Variants in CDH13 observed in about 807,000 individuals in gnomAD.
CDH13 encodes the protein cadherin 13.
In CDH13, 24 loss-of-function variants were observed where a neutral mutation model predicts 63.8. That is an observed-to-expected ratio of 0.38 (90% CI 0.27 to 0.53). The LOEUF (loss-of-function observed/expected upper bound fraction) is 0.53, where lower values mean the gene tolerates loss of function less well. Ranked by LOEUF, CDH13 falls within the 20% of genes least tolerant of loss-of-function variation. CDH13 has a pLI of 0.85. For missense variants in CDH13, 1,049 were observed against 903.1 expected (o/e 1.16, Z -2.07); for synonymous variants, 503 against 355.3 (o/e 1.42, Z -4.67).
chr16:82,645,868 G>C (rs1212520001), intron 1 of CDH13, among the ~76,000 whole-genome samples: 1 of 152,214 alleles, frequency 6.6e-6, no homozygotes, highest in Admixed American at 6.5e-5. Flanking sequence ...AGAAGCTAAG[G>C]TATTCGTAAG....
At chr16:83,491,314 T>C (rs1172382166) in intron 7 of CDH13, among the ~76,000 whole-genome samples, 3 of 152,164 alleles carry the variant, frequency 2.0e-5, no homozygotes, top group African/African-American at 7.2e-5. Flanking sequence ...TAAATGAAAT[T>C]AGGTTCATTT....
chr16:82,876,944 C>T (rs2040526310), intron 2 of CDH13, among the ~76,000 whole-genome samples: 2 of 152,152 alleles, frequency 1.3e-5, no homozygotes, highest in African/African-American at 2.4e-5. Context: ...TTTAGGCTCC[C>T]CCATTTCAAG....
chr16:83,646,111 A>G lies in CDH13; in HGVS notation c.1102-24679A>G, dbSNP rs115314176. Among the ~76,000 whole-genome samples, 547 of 152,208 alleles carry G rather than the reference A, an allele frequency of 3.6e-3. 4 individuals carry two copies. Among genetic ancestry groups the G allele is most frequent in the African/African-American group, 0.013 (523 of 41,536 alleles). On this transcript the variant is annotated intron_variant, in intron 8 of 13. Transcript: ENST00000567109. ...TCCCACTGGGCCCTAGTGTGGGACC[A>G]TACGTGAAAGCCACCAGGTAGGGTT...
At chr16:83,014,904 T>C (rs933171526) in intron 2 of CDH13, among the ~76,000 whole-genome samples, 2 of 144,406 alleles carry the variant, frequency 1.4e-5, no homozygotes, top group African/African-American at 5.1e-5. Context: ...ATATGTATAT[T>C]TACATTTACT....
intron 2 of CDH13, among the ~76,000 whole-genome samples, chr16:83,003,760 C>G (rs914741644): frequency 3.3e-5 from 5 of 152,236 alleles, no homozygotes; most frequent in Non-Finnish European, 5.9e-5. Context: ...CTACTCCATT[C>G]AAAGGTTCCT....
At chr16:83,357,989 G>A (rs1267078166) in intron 6 of CDH13, among the ~76,000 whole-genome samples, 1 of 152,156 alleles carries the variant, frequency 6.6e-6, no homozygotes, top group Non-Finnish European at 1.5e-5. Context: ...GCAGGCTAGA[G>A]GCGGATGCTA....
chr16:83,594,199 G>A lies in CDH13; in HGVS notation c.961-8255G>A, dbSNP rs1007313200. ...ACCCTCAGTTTCTTGTTACATCTTC[G>A]AAAGACTTCCCAAAAATTCTACTAA... On this transcript the variant is annotated intron_variant, in intron 7 of 13. Coordinates refer to ENST00000567109, the MANE Select transcript of CDH13 (RefSeq NM_001257.5). Among the ~76,000 whole-genome samples the A allele has an allele frequency of 1.2e-4, 18 of 152,146 alleles. 1 individual carries two copies. Among genetic ancestry groups the A allele is most frequent in the South Asian group, 6.2e-4 (3 of 4,820 alleles).
chr16:83,083,104 C>T (rs1029906114), intron 3 of CDH13, among the ~76,000 whole-genome samples: 6 of 152,212 alleles, frequency 3.9e-5, no homozygotes, highest in African/African-American at 1.2e-4. Flanking sequence ...TAAATATCTT[C>T]ACTAAATGTA....
At chr16:83,711,737 G>A (rs758333763) in intron 10 of CDH13, among the ~76,000 whole-genome samples, 4 of 152,076 alleles carry the variant, frequency 2.6e-5, no homozygotes, top group South Asian at 2.1e-4. Context: ...GGCTGGTCTC[G>A]AACTCCTGAC....
intron 3 of CDH13, among the ~76,000 whole-genome samples, chr16:83,097,460 C>G (rs1202262093): frequency 5.9e-5 from 9 of 152,104 alleles, no homozygotes; most frequent in Non-Finnish European, 1.3e-4. Flanking sequence ...TGCATATGAT[C>G]AAAGTCTATA....
intron 7 of CDH13, among the ~76,000 whole-genome samples, chr16:83,553,650 G>T (rs2075551507): frequency 6.6e-6 from 1 of 152,140 alleles, no homozygotes; most frequent in South Asian, 2.1e-4. Flanking sequence ...TCTGCCTCTT[G>T]GGTTCAAGCC....
intron 2 of CDH13, among the ~76,000 whole-genome samples, chr16:82,863,474 A>C (rs1458364477): frequency 6.6e-6 from 1 of 152,032 alleles, no homozygotes; most frequent in Admixed American, 6.5e-5. Flanking sequence ...TAGAATTCAA[A>C]TGTGCACACA....
At chr16:83,146,209 A>AC (rs1555603455) in intron 4 of CDH13, among the ~76,000 whole-genome samples, 10 of 149,636 alleles carry the variant, frequency 6.7e-5, no homozygotes, top group Non-Finnish European at 1.5e-4. Flanking sequence ...AAAAAAAAAA[A>AC]AGAAAAGAAA....
At chr16:83,187,990 G>A (rs1404018884) in intron 4 of CDH13, among the ~76,000 whole-genome samples, 3 of 152,160 alleles carry the variant, frequency 2.0e-5, no homozygotes, top group Non-Finnish European at 2.9e-5. Flanking sequence ...GGGCAGTAGT[G>A]TGTCCAGAAT....
At chr16:83,719,255 C>G (rs889522824) in intron 10 of CDH13, among the ~76,000 whole-genome samples, 1 of 152,194 alleles carries the variant, frequency 6.6e-6, no homozygotes, top group African/African-American at 2.4e-5. Context: ...TGACCAGATC[C>G]TAATAATGTC....
chr16:83,784,119 A>G (rs186383473), intron 13 of CDH13, among the ~76,000 whole-genome samples: 377 of 152,356 alleles, frequency 2.5e-3, no homozygotes, highest in Non-Finnish European at 4.2e-3. Flanking sequence ...TTATTCATAT[A>G]TAACTGTTAC....
At chr16:82,874,337 G>C (rs2040436360) in intron 2 of CDH13, among the ~76,000 whole-genome samples, 1 of 151,942 alleles carries the variant, frequency 6.6e-6, no homozygotes, top group South Asian at 2.1e-4. Context: ...TGTTGAGTTG[G>C]CGTCTTCACA....
At chr16:82,668,538 C>G (rs1380548346) in intron 1 of CDH13, among the ~76,000 whole-genome samples, 1 of 152,084 alleles carries the variant, frequency 6.6e-6, no homozygotes, top group Non-Finnish European at 1.5e-5. Context: ...TTGTTTCTTC[C>G]TTAAGAAGGG....
intron 8 of CDH13, among the ~76,000 whole-genome samples, chr16:83,650,495 G>C (rs1160621943): frequency 6.6e-6 from 1 of 152,166 alleles, no homozygotes; most frequent in Non-Finnish European, 1.5e-5. Flanking sequence ...CTGTCATGTA[G>C]GGAGACCTGA....
Sources: allele counts gnomAD v4.1 joint callset (sites outside exome capture counted in the v4.1 genomes callset), GRCh38; gene constraint gnomAD v4.1.1; transcripts MANE v1.5; gene names NCBI Gene and HGNC (gene_info 2026-07-23, HGNC 2026-07-21).